SFXN4: variants seen among roughly 807,000 people sequenced by gnomAD.
SFXN4 encodes sideroflexin-4.
In SFXN4, 48 loss-of-function variants were observed where a neutral mutation model predicts 54.6. The observed-to-expected ratio is 0.88, with a 90% CI of 0.70 to 1.12. SFXN4 has a LOEUF of 1.12. SFXN4 is among the 50% of genes most tolerant of loss of function. SFXN4 has a pLI of 0.00. For synonymous variants in SFXN4, 130 were observed against 145.5 expected (o/e 0.89, Z 0.77); for missense variants, 383 against 409.2 (o/e 0.94, Z 0.55).
intron 6 of SFXN4, among the ~76,000 whole-genome samples, chr10:119,158,650 A>G (rs1007899690): frequency 7.0e-6 from 1 of 143,510 alleles, no homozygotes; most frequent in Non-Finnish European, 1.5e-5. Flanking sequence ...AGAAGTACAC[A>G]TTTGCTAGGG....
chr10:119,164,705 G>C (rs1178517081), intron 1 of SFXN4, among the ~76,000 whole-genome samples: 1 of 152,092 alleles, frequency 6.6e-6, no homozygotes, highest in Non-Finnish European at 1.5e-5. Flanking sequence ...CTTTGTAGTG[G>C]TTCTGGCTTT....
In SFXN4 at chr10:119,146,464, CGT is replaced by C. The variant is rs33947324; in HGVS notation, c.819-113_819-112del. On this transcript the variant is annotated intron_variant, in intron 12 of 13. Transcript: ENST00000355697. ...GTGTGTGTGTGTGTGTGTGTGTGCA[CGT>C]GTGTGTGTACCTGAACACCTGGATC... The C allele has an allele frequency of 1.8e-5, 9 of 488,448 alleles. No individual in the cohort carries two copies. The Admixed American group carries it at 1.9e-4, about 10-fold the overall frequency. The allele number at this position is 488,448 out of a possible 1,614,324, so 30.3% of individuals were successfully genotyped here. A position where few individuals can be genotyped will look rare whatever the true frequency, so the allele number is the denominator to read the frequency against.
At chr10:119,147,918 C>T in intron 11 of SFXN4, 58 bp from the exon 12 acceptor site, 1 of 1,435,712 alleles carries the variant, frequency 7.0e-7, no homozygotes, top group South Asian at 1.1e-5. Context: ...CGCCTGTAAT[C>T]CCTGCACTTT....
intron 9 of SFXN4, 62 bp downstream of exon 9, chr10:119,157,606 T>G: frequency 7.6e-7 from 1 of 1,318,688 alleles, no homozygotes; most frequent in South Asian, 1.3e-5. Context: ...GTAATTGGAA[T>G]AAATAAAACT....
Position 119,141,228 on chromosome 10 carries a change from C to G in SFXN4, c.*14G>C. On this transcript the variant is annotated 3_prime_UTR_variant, in exon 14 of 14. Coordinates refer to ENST00000355697, the MANE Select transcript of SFXN4 (RefSeq NM_213649.2). ...TTCAAGCAGGAACCACATAAATTCA[C>G]CTAAAACTCACGCCTACACCCCTCT... is the stretch of plus-strand genomic sequence containing the variant. 1.9e-6 allele frequency: 3 copies of G among 1,593,432 alleles called. No individual in the cohort carries two copies. Among genetic ancestry groups the G allele is most frequent in the Non-Finnish European group, 2.6e-6 (3 of 1,166,430 alleles).
At chr10:119,148,285 G>C (rs1250690049) in intron 11 of SFXN4, among the ~76,000 whole-genome samples, 1 of 152,128 alleles carries the variant, frequency 6.6e-6, no homozygotes, top group Non-Finnish European at 1.5e-5. Flanking sequence ...CCCGTGGAGA[G>C]AGGCGGAGGG....
rs754672548 is a variant in SFXN4, at chr10:119,165,599, G to A, written c.49C>T (p.Arg17Cys). 6.3e-7 allele frequency: 1 copy of A among 1,593,972 alleles called. No individual in the cohort carries two copies. Among genetic ancestry groups the A allele is most frequent in the South Asian group, 1.1e-5 (1 of 90,364 alleles). The change falls in exon 1 of 14, where the codon CGC becomes TGC. Residue 17 changes from arginine to cysteine, a missense_variant. Arg to Cys is a radical substitution (Grantham distance 180, BLOSUM62 -3). Coordinates refer to ENST00000355697, the MANE Select transcript of SFXN4 (RefSeq NM_213649.2). ...ATGAAGGCGGGGACGGCGTCTCTGC[G>A]TCCTAGGAGCCGCCCAGGTTGCGTT... ...EETQPGRLLG[R>C]RDAVPAFIEP... is the part of the protein sequence containing the mutation.
At chr10:119,142,951 C>T (rs1846611143) in intron 13 of SFXN4, among the ~76,000 whole-genome samples, 1 of 151,900 alleles carries the variant, frequency 6.6e-6, no homozygotes, top group African/African-American at 2.4e-5. Flanking sequence ...CCAGGATGGT[C>T]TCAATCTCCT....
chr10:119,156,900 G>A, intron 9 of SFXN4, 144 bp from the exon 10 acceptor site: 1 of 615,858 alleles, frequency 1.6e-6, no homozygotes, highest in Non-Finnish European at 2.9e-6. Context: ...TCAAATTCCT[G>A]CAACGTGGAG....
intron 11 of SFXN4, among the ~76,000 whole-genome samples, chr10:119,150,837 G>C (rs1376536167): frequency 1.3e-5 from 2 of 152,272 alleles, no homozygotes; most frequent in South Asian, 2.1e-4. Flanking sequence ...TGTCGGAGCA[G>C]CCTGATTCAT....
chr10:119,149,610 C>T (rs939966651), intron 11 of SFXN4, among the ~76,000 whole-genome samples: 3 of 151,946 alleles, frequency 2.0e-5, no homozygotes, highest in East Asian at 1.9e-4. Flanking sequence ...ATTAGCCGGG[C>T]GTGGTGGTGG....
In SFXN4 at chr10:119,141,083, G is replaced by A. The variant is rs1038851809; in HGVS notation, c.*159C>T. On this transcript the variant is annotated 3_prime_UTR_variant, in exon 14 of 14. Coordinates refer to ENST00000355697, the MANE Select transcript of SFXN4 (RefSeq NM_213649.2). Reference sequence around the variant, plus strand: ...AGCCAGCCTTAAAAACCCCAGAGACGCCAGCCTGGGAACGATCTCAGTATG... The same window carrying A: ...AGCCAGCCTTAAAAACCCCAGAGACACCAGCCTGGGAACGATCTCAGTATG... The A allele has an allele frequency of 1.6e-5, 9 of 551,124 alleles. No individual in the cohort carries two copies. Among genetic ancestry groups the A allele is most frequent in the African/African-American group, 9.7e-5 (5 of 51,494 alleles). The allele number at this position is 551,124 out of a possible 1,614,324, so 34.1% of individuals were successfully genotyped here.
Position 119,165,683 on chromosome 10 carries a change from G to C in SFXN4, c.-36C>G. 6.7e-7 allele frequency: 1 copy of C among 1,489,160 alleles called. No individual in the cohort carries two copies. The highest frequency in any genetic ancestry group is 8.9e-7 in the Non-Finnish European group (1 of 1,119,776). 92.2% of individuals were successfully genotyped at this position (1,489,160 alleles called of 1,614,324 possible). On this transcript the variant is annotated 5_prime_UTR_variant, in exon 1 of 14. Coordinates refer to ENST00000355697, the MANE Select transcript of SFXN4 (RefSeq NM_213649.2). ...TTAGAGTGGCCGCCGCCGCCAGGCC[G>C]CGCGTGGAGGAGGAGCCGGGCGGCG...
chr10:119,164,068 A>G, intron 2 of SFXN4, 63 bp downstream of exon 2: 1 of 750,128 alleles, frequency 1.3e-6, no homozygotes, highest in East Asian at 2.9e-5. Flanking sequence ...AAAAAAAGGG[A>G]CACACAGACT....
At chr10:119,144,325 CG>C (rs1564812386) in intron 13 of SFXN4, among the ~76,000 whole-genome samples, 2 of 151,922 alleles carry the variant, frequency 1.3e-5, no homozygotes, top group African/African-American at 2.4e-5. Flanking sequence ...GGTGTGGTGG[CG>C]GGCGCCTGTA....
intron 10 of SFXN4, among the ~76,000 whole-genome samples, chr10:119,155,440 C>T (rs1054297049): frequency 2.0e-5 from 3 of 152,148 alleles, no homozygotes; most frequent in Admixed American, 6.5e-5. Context: ...GCTTCCTTAC[C>T]GGATTCTAGG....
At chr10:119,157,627 T>C (rs1165720293) in intron 9 of SFXN4, 41 bp downstream of exon 9, 1 of 1,461,520 alleles carries the variant, frequency 6.8e-7, no homozygotes, top group Non-Finnish European at 9.3e-7. Context: ...TCCTGGATTC[T>C]GAGGAATAAA....
chr10:119,160,873 T>C lies in SFXN4; in HGVS notation c.334+42A>G, dbSNP rs372481822. 65 of 1,603,514 alleles carry C rather than the reference T, an allele frequency of 4.1e-5. No homozygotes were observed. The African/African-American group carries it at 7.9e-4, about 19-fold the overall frequency. Reference sequence around the variant, plus strand: ...GCAGAGTTTTCTAAGTGTTAGAAACTACATCTTCCCAACCCACTTCTGAAA... The same window carrying C: ...GCAGAGTTTTCTAAGTGTTAGAAACCACATCTTCCCAACCCACTTCTGAAA... On this transcript the variant is annotated intron_variant, in intron 5 of 13. Coordinates refer to ENST00000355697, the MANE Select transcript of SFXN4 (RefSeq NM_213649.2).
chr10:119,145,984 A>G (rs1015356017), intron 13 of SFXN4, among the ~76,000 whole-genome samples: 2 of 152,066 alleles, frequency 1.3e-5, no homozygotes, highest in African/African-American at 4.8e-5. Context: ...CATCACACCC[A>G]GCTAATTTGT....
Sources: gnomAD v4.1 joint callset for allele counts (sites outside exome capture counted in the v4.1 genomes callset) on GRCh38, gnomAD v4.1.1 for gene constraint, MANE v1.5 for transcripts, NCBI Gene and HGNC (gene_info 2026-07-23, HGNC 2026-07-21) for gene names.